Variants in SDCCAG8 observed in about 807,000 individuals in gnomAD.
SDCCAG8 encodes the protein SHH signaling and ciliogenesis regulator SDCCAG8, also known as serologically defined colon cancer antigen 8.
Under a neutral mutation model 101.8 loss-of-function variants are expected in SDCCAG8, and 74 were observed. The ratio of observed to expected loss-of-function variants is 0.73; its 90% CI spans 0.60 to 0.88. The LOEUF is 0.88. Among genes scored for constraint, SDCCAG8 ranks in the 40% least tolerant of loss-of-function variants. The probability of loss-of-function intolerance (pLI) is 0.00; values close to 1 mark genes in which losing one functional copy is unlikely to be tolerated. For missense variants in SDCCAG8, 787 were observed against 822.6 expected, an observed-to-expected ratio of 0.96 and a Z score of 0.53; for synonymous variants, 281 against 292.9, an observed-to-expected ratio of 0.96 and a Z score of 0.41.
intron 10 of SDCCAG8, among the ~76,000 whole-genome samples, chr1:243,337,581 A>G (rs1354249955): frequency 2.0e-5 from 3 of 152,238 alleles, no homozygotes; most frequent in Admixed American, 2.0e-4. Flanking sequence ...TGAACAATTC[A>G]CTTAACCTCT....
At chr1:243,472,454 G>A (rs1179862020) in intron 16 of SDCCAG8, among the ~76,000 whole-genome samples, 1 of 152,194 alleles carries the variant, frequency 6.6e-6, no homozygotes, top group Non-Finnish European at 1.5e-5. Context: ...CACCATGGGG[G>A]CAGAGTGCCC....
At position 243,431,203 on chromosome 1, in the gene SDCCAG8, C is replaced by G. The variant is rs114993503; in HGVS notation, c.1985+4645C>G. Among the ~76,000 whole-genome samples the G allele has an allele frequency of 9.8e-3, 1,489 of 152,202 alleles. 31 individuals are homozygous for G. The highest frequency in any genetic ancestry group is 0.034 in the African/African-American group (1,395 of 41,540). The stretch of plus-strand genomic sequence containing the variant: ...TAGAGCGAGACTTTGTCTAAAAAAT[C>G]AAACAAACAGAAAAACGATTAGGGA... On this transcript the variant is annotated intron_variant, in intron 16 of 17. Transcript: ENST00000366541.
chr1:243,476,966 A>G, intron 16 of SDCCAG8, among the ~76,000 whole-genome samples: 1 of 151,992 alleles, frequency 6.6e-6, no homozygotes, highest in Non-Finnish European at 1.5e-5. Context: ...TAAAAGGGCA[A>G]TGGTGCATGC....
intron 10 of SDCCAG8, among the ~76,000 whole-genome samples, chr1:243,339,375 A>AC (rs2075249634): frequency 6.6e-6 from 1 of 152,206 alleles, no homozygotes; most frequent in Non-Finnish European, 1.5e-5. Flanking sequence ...TGGTTCCAGA[A>AC]AAGCTATAAT....
chr1:243,446,841 C>T (rs1056430646), intron 16 of SDCCAG8, among the ~76,000 whole-genome samples: 1 of 152,258 alleles, frequency 6.6e-6, no homozygotes, highest in East Asian at 1.9e-4. Context: ...CAGGCTTTCT[C>T]GGATGGGGAC....
chr1:243,423,281 A>G (rs2081132927), intron 15 of SDCCAG8, among the ~76,000 whole-genome samples: 1 of 152,100 alleles, frequency 6.6e-6, no homozygotes, highest in South Asian at 2.1e-4. Context: ...TACAAAGAAG[A>G]ATTAAGGAAA....
At chr1:243,314,231 G>A (rs2073033157) in intron 8 of SDCCAG8, among the ~76,000 whole-genome samples, 1 of 152,228 alleles carries the variant, frequency 6.6e-6, no homozygotes, top group South Asian at 2.1e-4. Context: ...GGAGGAGTGT[G>A]TCAGCCCAGT....
At chr1:243,468,200 T>C (rs1660523466) in intron 16 of SDCCAG8, among the ~76,000 whole-genome samples, 1 of 151,790 alleles carries the variant, frequency 6.6e-6, no homozygotes, top group Non-Finnish European at 1.5e-5. Flanking sequence ...CATAATATTA[T>C]CAATAATACC....
chr1:243,338,625 T>G (rs973784455), intron 10 of SDCCAG8: 7 of 152,116 alleles, frequency 4.6e-5, no homozygotes, highest in African/African-American at 1.7e-4. Context: ...GAGCACCCCC[T>G]GAGGTCCACA....
chr1:243,286,472 G>T (rs551943112), intron 5 of SDCCAG8, 75 bp downstream of exon 5: 2 of 1,513,142 alleles, frequency 1.3e-6, no homozygotes, highest in Non-Finnish European at 9.1e-7. Flanking sequence ...CGCCTTCTTC[G>T]CTGCTTAGAT....
At chr1:243,442,513 T>A (rs1183569350) in intron 16 of SDCCAG8, among the ~76,000 whole-genome samples, 1 of 152,072 alleles carries the variant, frequency 6.6e-6, no homozygotes, top group Non-Finnish European at 1.5e-5. Context: ...TGTGTCTCAG[T>A]GCTTGCATGA....
intron 12 of SDCCAG8, among the ~76,000 whole-genome samples, chr1:243,362,185 G>A (rs916553281): frequency 6.6e-6 from 1 of 151,834 alleles, no homozygotes; most frequent in South Asian, 2.1e-4. Context: ...AGATGGCCAA[G>A]TGACTGCCTC....
At chr1:243,449,196 T>C (rs572276621) in intron 16 of SDCCAG8, among the ~76,000 whole-genome samples, 12 of 152,366 alleles carry the variant, frequency 7.9e-5, no homozygotes, top group Non-Finnish European at 1.6e-4. Flanking sequence ...CATTGTGTTA[T>C]TAGTTGATCC....
chr1:243,296,040 G>A (rs2070841147), intron 6 of SDCCAG8, among the ~76,000 whole-genome samples: 1 of 152,060 alleles, frequency 6.6e-6, no homozygotes, highest in South Asian at 2.1e-4. Context: ...CTGTCACCCA[G>A]GGTGGAGTGC....
rs147673656 is a variant in SDCCAG8, at chr1:243,278,748, A to G, written c.420+4092A>G. On this transcript the variant is annotated intron_variant, in intron 4 of 17. Coordinates refer to ENST00000366541, the MANE Select transcript of SDCCAG8 (RefSeq NM_006642.5). ...ACAGTGTTATTTTCTCCTTTCCAAT[A>G]TATTTAGATTTTGTGTTTTTTAAAT... Among the ~76,000 whole-genome samples the G allele has an allele frequency of 3.5e-3, 527 of 152,120 alleles. 4 individuals are homozygous for G. Among genetic ancestry groups the G allele is most frequent in the African/African-American group, 0.012 (516 of 41,484 alleles).
At chr1:243,499,710 T>G in intron 17 of SDCCAG8, 46 bp from the exon 18 acceptor site, 1 of 1,441,970 alleles carries the variant, frequency 6.9e-7, no homozygotes. Context: ...CAAATAACAT[T>G]GAAGAACATG....
intron 15 of SDCCAG8, among the ~76,000 whole-genome samples, chr1:243,420,102 T>A (rs1308046497): frequency 6.6e-6 from 1 of 152,216 alleles, no homozygotes; most frequent in Non-Finnish European, 1.5e-5. Flanking sequence ...TGCCAGTCTG[T>A]CCCATTGTTG....
chr1:243,490,089 A>G (rs1237465087), intron 17 of SDCCAG8, among the ~76,000 whole-genome samples: 2 of 152,230 alleles, frequency 1.3e-5, no homozygotes, highest in African/African-American at 4.8e-5. Flanking sequence ...AATGATTAAT[A>G]TGAAAAATGC....
chr1:243,482,494 C>T (rs1663938683), intron 16 of SDCCAG8, among the ~76,000 whole-genome samples: 2 of 152,228 alleles, frequency 1.3e-5, no homozygotes, highest in African/African-American at 4.8e-5. Context: ...CCCATTCTAC[C>T]CCTGCATGGG....
Sources: allele counts gnomAD v4.1 joint callset (sites outside exome capture counted in the v4.1 genomes callset), GRCh38; gene constraint gnomAD v4.1.1; transcripts MANE v1.5; gene names NCBI Gene and HGNC (gene_info 2026-07-23, HGNC 2026-07-21).